The following ME3 variants were observed in gnomAD, a reference collection of about 807,000 sequenced individuals.
ME3 encodes NADP-dependent malic enzyme, mitochondrial.
ME3 carries 48 observed loss-of-function variants against 68.9 expected under a neutral mutation model. That is an observed-to-expected ratio of 0.70 (90% confidence interval 0.55 to 0.89). The LOEUF (loss-of-function observed/expected upper bound fraction) is 0.89, where lower values mean the gene tolerates loss of function less well. Among genes scored for constraint, ME3 ranks in the 40% least tolerant of loss-of-function variants. The probability of loss-of-function intolerance (pLI) is 0.00; values close to 1 mark genes in which losing one functional copy is unlikely to be tolerated. For missense variants in ME3, 675 were observed against 797.4 expected (o/e 0.85, Z 1.85); for synonymous variants, 320 against 318.8 (o/e 1.00, Z -0.04).
At chr11:86,628,401 A>G (rs1943798013) in intron 2 of ME3, among the ~76,000 whole-genome samples, 1 of 152,134 alleles carries the variant, frequency 6.6e-6, no homozygotes, top group South Asian at 2.1e-4. Context: ...TGTCTTTCCT[A>G]AGCAGTTGTT....
At chr11:86,669,488 G>C (rs1346408553) in intron 2 of ME3, among the ~76,000 whole-genome samples, 1 of 152,122 alleles carries the variant, frequency 6.6e-6, no homozygotes, top group African/African-American at 2.4e-5. Flanking sequence ...CATGGCGAAG[G>C]CACCTCCTCA....
intron 2 of ME3, among the ~76,000 whole-genome samples, chr11:86,597,541 C>A (rs1180758627): frequency 6.6e-6 from 1 of 152,240 alleles, no homozygotes; most frequent in Non-Finnish European, 1.5e-5. Context: ...GTCCACCTCA[C>A]CCCACCTCTG....
chr11:86,583,466 T>C (rs1958558695), intron 2 of ME3, among the ~76,000 whole-genome samples: 1 of 152,230 alleles, frequency 6.6e-6, no homozygotes, highest in South Asian at 2.1e-4. Flanking sequence ...CTACTTTGTA[T>C]AATGAAGTAT....
At chr11:86,555,434 T>G (rs1319248306) in intron 4 of ME3, among the ~76,000 whole-genome samples, 1 of 152,202 alleles carries the variant, frequency 6.6e-6, no homozygotes, top group Non-Finnish European at 1.5e-5. Context: ...AGGAGTCTCC[T>G]TCCTGTTGCA....
chr11:86,535,660 C>A (rs1955601823), intron 4 of ME3, among the ~76,000 whole-genome samples: 2 of 152,186 alleles, frequency 1.3e-5, no homozygotes, highest in South Asian at 4.1e-4. Context: ...GCCCACTAAG[C>A]CCTATGCAAG....
intron 4 of ME3, among the ~76,000 whole-genome samples, chr11:86,530,518 C>A (rs1250055081): frequency 6.6e-6 from 1 of 152,086 alleles, no homozygotes; most frequent in Admixed American, 6.5e-5. Flanking sequence ...CATATGGAAC[C>A]AAAAAATAGC....
intron 4 of ME3, among the ~76,000 whole-genome samples, chr11:86,527,409 G>A (rs568027888): frequency 6.6e-6 from 1 of 152,320 alleles, no homozygotes; most frequent in African/African-American, 2.4e-5. Context: ...TGAAAGTGAC[G>A]GGGCGAATGG....
At chr11:86,508,287 G>C (rs1953232083) in intron 5 of ME3, among the ~76,000 whole-genome samples, 1 of 152,136 alleles carries the variant, frequency 6.6e-6, no homozygotes, top group South Asian at 2.1e-4. Flanking sequence ...TCAAGGCCCA[G>C]CTCCACTGTC....
exon 14 of ME3, chr11:86,442,824 G>A: frequency 6.2e-7 from 1 of 1,609,198 alleles, no homozygotes; most frequent in Non-Finnish European, 8.5e-7. Flanking sequence ...CCCTTACTTT[G>A]ATGGCAATTC....
intron 8 of ME3, chr11:86,457,468 AT>A: frequency 6.8e-6 from 7 of 1,029,372 alleles, no homozygotes; most frequent in East Asian, 7.5e-5. Context: ...ACTGTTGCCC[AT>A]TTTTTTCCTT....
chr11:86,443,070 T>G (rs780198529), intron 13 of ME3, 151 bp from the exon 14 acceptor site: 2 of 603,578 alleles, frequency 3.3e-6, no homozygotes, highest in Non-Finnish European at 5.9e-6. Context: ...GGAAGCTTAA[T>G]GCTTGGGCGT....
intron 2 of ME3, among the ~76,000 whole-genome samples, chr11:86,614,338 A>T (rs1307777324): frequency 6.6e-6 from 1 of 152,216 alleles, no homozygotes; most frequent in Non-Finnish European, 1.5e-5. Flanking sequence ...TTCACCACTT[A>T]TGTAGAAATT....
At chr11:86,520,465 A>C (rs1954191069) in intron 4 of ME3, among the ~76,000 whole-genome samples, 2 of 152,156 alleles carry the variant, frequency 1.3e-5, no homozygotes, top group African/African-American at 2.4e-5. Context: ...AAAAAACCCC[A>C]AAAAACCTTG....
At chr11:86,477,945 C>A (rs1951177435) in intron 7 of ME3, among the ~76,000 whole-genome samples, 1 of 152,112 alleles carries the variant, frequency 6.6e-6, no homozygotes, top group South Asian at 2.1e-4. Context: ...GGACTGTCAA[C>A]AATGAGCCAT....
intron 2 of ME3, among the ~76,000 whole-genome samples, chr11:86,570,235 T>A (rs752184843): frequency 1.3e-5 from 2 of 152,160 alleles, no homozygotes; most frequent in African/African-American, 2.4e-5. Flanking sequence ...ATAACCGGCT[T>A]CCTCCATCAA....
intron 3 of ME3, 147 bp downstream of exon 3, chr11:86,559,543 C>A: frequency 1.1e-6 from 1 of 947,068 alleles, no homozygotes; most frequent in Non-Finnish European, 1.5e-6. Context: ...GACCATGAAT[C>A]CTTTAGAAGG....
At chr11:86,437,444 T>C (rs901998384), downstream of ME3, among the ~76,000 whole-genome samples, 4 of 152,174 alleles carry the variant, frequency 2.6e-5, no homozygotes, top group Non-Finnish European at 4.4e-5. Context: ...TTTTTGACTC[T>C]TTGAGATCCT....
chr11:86,465,467 G>A (rs1287923743), intron 7 of ME3, among the ~76,000 whole-genome samples: 1 of 152,110 alleles, frequency 6.6e-6, no homozygotes, highest in Non-Finnish European at 1.5e-5. Flanking sequence ...GCTAAGGTGC[G>A]CTGGTGGCTC....
At chr11:86,522,545 G>A (rs1209079536) in intron 4 of ME3, among the ~76,000 whole-genome samples, 4 of 150,938 alleles carry the variant, frequency 2.7e-5, no homozygotes, top group African/African-American at 7.3e-5. Context: ...TTGACCCGCC[G>A]ACAGGCCCCA....
Sources: allele counts gnomAD v4.1 joint callset (sites outside exome capture counted in the v4.1 genomes callset), GRCh38; gene constraint gnomAD v4.1.1; transcripts MANE v1.5; gene names NCBI Gene and HGNC (gene_info 2026-07-23, HGNC 2026-07-21).